IQSEC1: variants seen among roughly 807,000 people sequenced by gnomAD.
The protein encoded by IQSEC1 is IQ motif and SEC7 domain-containing protein 1.
A neutral mutation model predicts 91.0 loss-of-function variants in IQSEC1; 31 were observed. The observed-to-expected ratio is 0.34, with a 90% CI of 0.26 to 0.46. The LOEUF (loss-of-function observed/expected upper bound fraction) is 0.46, where lower values mean the gene tolerates loss of function less well. IQSEC1 is among the 20% of genes least tolerant of loss of function. The pLI, the probability that IQSEC1 is intolerant of heterozygous loss-of-function variation, is 1.00. For missense variants in IQSEC1, 1,388 were observed against 1,575.6 expected, an observed-to-expected ratio of 0.88 and a Z score of 2.02; for synonymous variants, 699 against 662.6, an observed-to-expected ratio of 1.05 and a Z score of -0.84.
intron 2 of IQSEC1, among the ~76,000 whole-genome samples, chr3:13,082,684 G>A (rs2125129977): frequency 6.6e-6 from 1 of 152,306 alleles, no homozygotes; most frequent in Non-Finnish European, 1.5e-5. Flanking sequence ...CCCCGCACTG[G>A]GAAGGATCTA....
At chr3:13,005,909 A>G (rs1431689930) in intron 1 of IQSEC1, among the ~76,000 whole-genome samples, 1 of 152,156 alleles carries the variant, frequency 6.6e-6, no homozygotes, top group African/African-American at 2.4e-5. Context: ...TGCACACATC[A>G]CAGCACACAG....
chr3:12,907,996 C>T (rs924931394), intron 12 of IQSEC1, among the ~76,000 whole-genome samples: 5 of 152,270 alleles, frequency 3.3e-5, no homozygotes, highest in South Asian at 2.1e-4. Flanking sequence ...GGGACGCGGC[C>T]GCACAGAGAG....
intron 1 of IQSEC1, among the ~76,000 whole-genome samples, chr3:12,951,445 C>CAAA (rs34564171): frequency 7.0e-6 from 1 of 143,718 alleles, no homozygotes; most frequent in Admixed American, 6.9e-5. Context: ...ACCTCTATCT[C>CAAA]AAAAAAAAAA....
intron 1 of IQSEC1, among the ~76,000 whole-genome samples, chr3:13,269,788 C>T (rs939652199): frequency 6.6e-6 from 1 of 152,236 alleles, no homozygotes; most frequent in Non-Finnish European, 1.5e-5. Context: ...CTGAGCAAAC[C>T]AAATGTGGGA....
intron 2 of IQSEC1, among the ~76,000 whole-genome samples, chr3:13,131,055 A>C (rs1706607775): frequency 6.6e-6 from 1 of 151,150 alleles, no homozygotes; most frequent in Non-Finnish European, 1.5e-5. Context: ...GAAGGAAGGA[A>C]GGAAGGAAGG....
chr3:12,906,906 A>G (rs906129991), intron 12 of IQSEC1, among the ~76,000 whole-genome samples: 1 of 152,208 alleles, frequency 6.6e-6, no homozygotes, highest in African/African-American at 2.4e-5. Context: ...AAAGCAGTCC[A>G]GTGACATTTA....
At chr3:13,204,665 C>G (rs1368348440) in intron 1 of IQSEC1, among the ~76,000 whole-genome samples, 1 of 152,236 alleles carries the variant, frequency 6.6e-6, no homozygotes, top group African/African-American at 2.4e-5. Context: ...GCAGTAGGCG[C>G]TCAGAAGGGG....
intron 1 of IQSEC1, among the ~76,000 whole-genome samples, chr3:13,218,809 A>C (rs1229681147): frequency 6.6e-6 from 1 of 152,160 alleles, no homozygotes; most frequent in African/African-American, 2.4e-5. Context: ...CAGCTTCAGC[A>C]TGACTTCTCT....
At chr3:12,920,107 T>A (rs1415237225) in intron 6 of IQSEC1, among the ~76,000 whole-genome samples, 1 of 152,252 alleles carries the variant, frequency 6.6e-6, no homozygotes, top group Admixed American at 6.5e-5. Flanking sequence ...AAATATATAC[T>A]TTTAGGTAAA....
At chr3:12,950,075 G>A (rs1246488678) in intron 1 of IQSEC1, among the ~76,000 whole-genome samples, 1 of 152,220 alleles carries the variant, frequency 6.6e-6, no homozygotes, top group Non-Finnish European at 1.5e-5. Context: ...TGCGACGGGG[G>A]AGCCCAGCAC....
intron 2 of IQSEC1, among the ~76,000 whole-genome samples, chr3:13,147,618 C>T (rs1706919198): frequency 6.6e-6 from 1 of 152,150 alleles, no homozygotes; most frequent in Non-Finnish European, 1.5e-5. Context: ...AATTGTGCTG[C>T]AATAAACATG....
upstream of IQSEC1, among the ~76,000 whole-genome samples, chr3:13,077,601 G>T (rs918868038): frequency 6.6e-6 from 1 of 152,216 alleles, no homozygotes. Flanking sequence ...ATAGACATGG[G>T]CTCGGGCTCT....
chr3:12,976,471 C>A (rs1033812794), intron 1 of IQSEC1, among the ~76,000 whole-genome samples: 1 of 152,238 alleles, frequency 6.6e-6, no homozygotes, highest in East Asian at 1.9e-4. Flanking sequence ...GAGCCTGGGA[C>A]CAGAGCAGAA....
chr3:13,205,213 C>G (rs1694322147), intron 1 of IQSEC1, among the ~76,000 whole-genome samples: 1 of 152,096 alleles, frequency 6.6e-6, no homozygotes, highest in South Asian at 2.1e-4. Context: ...AGGAAGGCTA[C>G]AGCAGCAAGC....
chr3:13,098,768 A>C (rs1256057243), intron 2 of IQSEC1, among the ~76,000 whole-genome samples: 2 of 152,216 alleles, frequency 1.3e-5, no homozygotes, highest in Non-Finnish European at 2.9e-5. Context: ...AAAAGAAAGT[A>C]AATTCAAGGT....
At chr3:13,121,873 G>A (rs1035580554) in intron 2 of IQSEC1, among the ~76,000 whole-genome samples, 5 of 152,216 alleles carry the variant, frequency 3.3e-5, no homozygotes, top group Non-Finnish European at 5.9e-5. Flanking sequence ...CCAGAGCACC[G>A]TCCTACGGAA....
chr3:13,123,733 C>A (rs1469362657), intron 2 of IQSEC1, among the ~76,000 whole-genome samples: 19 of 152,200 alleles, frequency 1.2e-4, no homozygotes, highest in Non-Finnish European at 5.9e-5. Context: ...GAACACACTG[C>A]AAGGTGGGAA....
rs981924082 is a variant in IQSEC1 at position 13,103,151 on chromosome 3, C to T, written c.303-55629G>A. 2.0e-5 allele frequency among the ~76,000 whole-genome samples: 3 copies of T among 152,176 alleles called. No individual in the cohort carries two copies. The highest frequency in any genetic ancestry group is 3.9e-4 in the East Asian group (2 of 5,124). ...CCAGCCCCTCCCTGGCCCATGTCCC[C>T]GGCTGGCCCCAGGCAGGTCAGTTCA... On this transcript the variant is annotated intron_variant, in intron 2 of 15. Transcript: ENST00000648114. This position sits in a 1 kb window ranked among gnomAD's most constrained non-coding sequence, Gnocchi z 4.1.
chr3:13,254,764 C>T (rs768679764), intron 1 of IQSEC1, among the ~76,000 whole-genome samples: 11 of 152,196 alleles, frequency 7.2e-5, no homozygotes, highest in Non-Finnish European at 1.3e-4. Context: ...AGCCCTGCAC[C>T]GGAGGGCTCT....
Sources: gnomAD v4.1 joint callset for allele counts (sites outside exome capture counted in the v4.1 genomes callset) on GRCh38, gnomAD v4.1.1 for gene constraint, Gnocchi (gnomAD v3.1) non-coding constraint, MANE v1.5 for transcripts, NCBI Gene and HGNC (gene_info 2026-07-23, HGNC 2026-07-21) for gene names.